Variants in FGF13 observed in about 807,000 individuals in gnomAD.
FGF13 encodes fibroblast growth factor 13, also known as fibroblast growth factor homologous factor 2.
A neutral mutation model predicts 19.5 loss-of-function variants in FGF13; 2 were observed. The ratio of observed to expected loss-of-function variants is 0.10; its 90% CI spans 0.04 to 0.32. The LOEUF (loss-of-function observed/expected upper bound fraction) is 0.32. FGF13 is among the 10% of genes least tolerant of loss of function. FGF13 has a pLI of 1.00. For missense variants in FGF13, 113 were observed against 192.7 expected, an observed-to-expected ratio of 0.59 and a Z score of 2.45; for synonymous variants, 72 against 76.9, an observed-to-expected ratio of 0.94 and a Z score of 0.33.
At chrX:138,762,521 A>T (rs912773251) in intron 3 of FGF13, among the ~76,000 whole-genome samples, 1 of 111,756 alleles carries the variant, frequency 8.9e-6, no homozygotes, top group Admixed American at 9.6e-5. Flanking sequence ...CAAATTTATT[A>T]TATTTCTCCA....
rs1205859648 is a variant in FGF13 at position 138,629,222 on chromosome X, C to T, written c.*3628G>A. On this transcript the variant is annotated 3_prime_UTR_variant, in exon 5 of 5. Transcript: ENST00000315930. ...CACTCTACTGCAATGTTAATAGACG[C>T]TCCATGAAAATGTGGCTTTGTGGCC... 8.9e-6 allele frequency: 1 copy of T among 112,378 alleles called. No homozygotes were observed. Among genetic ancestry groups the T allele is most frequent in the Non-Finnish European group, 1.9e-5 (1 of 53,306 alleles). 9.3% of individuals were successfully genotyped at this position (112,378 alleles called of 1,213,427 possible). A position where few individuals can be genotyped will look rare whatever the true frequency, so the allele number is the denominator to read the frequency against.
intron 1 of FGF13, among the ~76,000 whole-genome samples, chrX:139,100,041 AACACACACACACACACAC>A (rs56821859): frequency 0.015 from 1,177 of 76,391 alleles, 31 homozygotes; most frequent in African/African-American, 0.056. Context: ...GGGGAAAGCA[AACACACACACACACACAC>A]ACACACACAC....
chrX:138,879,832 G>A (rs2091413332), intron 1 of FGF13, among the ~76,000 whole-genome samples: 1 of 111,688 alleles, frequency 9.0e-6, no homozygotes, highest in African/African-American at 3.3e-5. Context: ...TGACAAATGG[G>A]ATCTAATTAA....
At chrX:139,174,341 A>G (rs1418556084) in intron 1 of FGF13, among the ~76,000 whole-genome samples, 1 of 112,162 alleles carries the variant, frequency 8.9e-6, no homozygotes, top group African/African-American at 3.2e-5. Flanking sequence ...ATTTTCTCCC[A>G]TTCTGTAGGT....
chrX:138,759,975 C>T (rs2124328289), intron 3 of FGF13, among the ~76,000 whole-genome samples: 1 of 111,565 alleles, frequency 9.0e-6, no homozygotes, highest in South Asian at 3.8e-4. Context: ...TAAACCCTTG[C>T]TATATGCCTG....
chrX:138,777,023 G>A (rs112310149), intron 3 of FGF13, among the ~76,000 whole-genome samples: 1 of 111,805 alleles, frequency 8.9e-6, no homozygotes, highest in Non-Finnish European at 1.9e-5. Context: ...TAGCACAGTA[G>A]CAGGGTGTCT....
At chrX:139,070,077 T>A (rs999212013) in intron 1 of FGF13, among the ~76,000 whole-genome samples, 1 of 111,351 alleles carries the variant, frequency 9.0e-6, no homozygotes, top group Non-Finnish European at 1.9e-5. Flanking sequence ...ATGGGCAAAG[T>A]CTTCATGACT....
intron 3 of FGF13, among the ~76,000 whole-genome samples, chrX:138,834,460 T>G (rs945110580): frequency 9.0e-6 from 1 of 111,587 alleles, no homozygotes; most frequent in Non-Finnish European, 1.9e-5. Flanking sequence ...TATTCTCTGA[T>G]AGTTGTTTGC....
intron 3 of FGF13, among the ~76,000 whole-genome samples, chrX:138,850,913 C>T (rs142352758): frequency 0.023 from 2,578 of 111,481 alleles, 79 homozygotes; most frequent in African/African-American, 0.08. Flanking sequence ...CAACATGCTC[C>T]GGTGTGTGTT....
chrX:139,101,842 C>T (rs1378162260), intron 1 of FGF13, among the ~76,000 whole-genome samples: 3 of 111,828 alleles, frequency 2.7e-5, no homozygotes, highest in Admixed American at 9.5e-5. Flanking sequence ...TTAAGACCAG[C>T]GTCTACACTC....
chrX:138,713,522 C>G (rs2090073947), upstream of FGF13, among the ~76,000 whole-genome samples: 1 of 111,627 alleles, frequency 9.0e-6, no homozygotes, highest in Admixed American at 9.5e-5. Flanking sequence ...TTCCTACTCT[C>G]ATTTCTCTCT....
At chrX:138,937,304 A>G (rs186146806) in intron 1 of FGF13, among the ~76,000 whole-genome samples, 165 of 111,495 alleles carry the variant, frequency 1.5e-3, no homozygotes, top group Middle Eastern at 4.6e-3. Flanking sequence ...AAATATCAAT[A>G]TTTTCAATAC....
intron 3 of FGF13, among the ~76,000 whole-genome samples, chrX:138,757,488 G>T (rs2090438806): frequency 9.0e-6 from 1 of 111,113 alleles, no homozygotes; most frequent in Non-Finnish European, 1.9e-5. Flanking sequence ...TCCTTAAAAT[G>T]TCAGTCAAAG....
At chrX:138,844,484 T>G (rs908190928) in intron 3 of FGF13, among the ~76,000 whole-genome samples, 1 of 111,792 alleles carries the variant, frequency 8.9e-6, no homozygotes, top group Non-Finnish European at 1.9e-5. Context: ...TTTATGCCAT[T>G]TATTCCCAAG....
At chrX:138,696,946 A>T (rs1037159068) in intron 3 of FGF13, among the ~76,000 whole-genome samples, 2 of 112,224 alleles carry the variant, frequency 1.8e-5, no homozygotes. Context: ...CAAATGAAGA[A>T]TTTTTCCATT....
chrX:138,980,697 T>G, intron 1 of FGF13, among the ~76,000 whole-genome samples: 1 of 70,690 alleles, frequency 1.4e-5, no homozygotes. Flanking sequence ...TTTTTTTTTT[T>G]GCATTAATGG....
chrX:138,896,894 A>T (rs766555444), intron 1 of FGF13, among the ~76,000 whole-genome samples: 2 of 111,969 alleles, frequency 1.8e-5, no homozygotes, highest in Non-Finnish European at 3.8e-5. Context: ...AAGTAATGAG[A>T]TCACGTAGAT....
chrX:138,952,438 A>G (rs1427316993), intron 1 of FGF13, among the ~76,000 whole-genome samples: 1 of 112,317 alleles, frequency 8.9e-6, no homozygotes, highest in African/African-American at 3.2e-5. Flanking sequence ...AAGATGGATT[A>G]AAGACTTAAA....
intron 1 of FGF13, among the ~76,000 whole-genome samples, chrX:138,921,971 C>CAAAAAAAAAA (rs35464038): frequency 4.4e-5 from 3 of 67,493 alleles, no homozygotes; most frequent in Non-Finnish European, 5.5e-5. Context: ...TTATGGAACT[C>CAAAAAAAAAA]AAAAAAAAAA....
Sources: gnomAD v4.1 joint callset for allele counts (sites outside exome capture counted in the v4.1 genomes callset) on GRCh38, gnomAD v4.1.1 for gene constraint, MANE v1.5 for transcripts, NCBI Gene and HGNC (gene_info 2026-07-23, HGNC 2026-07-21) for gene names.